The following WIPF1 variants were observed in gnomAD, a reference collection of about 807,000 sequenced individuals.
The protein encoded by WIPF1 is WAS/WASL-interacting protein family member 1.
In WIPF1, 13 loss-of-function variants were observed where a neutral mutation model predicts 35.4. The observed-to-expected ratio is 0.37, with a 90% CI of 0.24 to 0.58. WIPF1 has a LOEUF of 0.58. Among genes scored for constraint, WIPF1 ranks in the 20% least tolerant of loss-of-function variants. The pLI, the probability that WIPF1 is intolerant of heterozygous loss-of-function variation, is 0.74. For synonymous variants in WIPF1, 267 were observed against 266.3 expected, an observed-to-expected ratio of 1.00 and a Z score of -0.02; for missense variants, 591 against 667.0, an observed-to-expected ratio of 0.89 and a Z score of 1.25.
intron 1 of WIPF1, among the ~76,000 whole-genome samples, chr2:174,586,519 C>T (rs935634398): frequency 1.3e-5 from 2 of 152,168 alleles, no homozygotes; most frequent in Middle Eastern, 3.4e-3. Flanking sequence ...GGGGGCAGGG[C>T]GGAGAGGGCA....
chr2:174,612,921 G>A (rs1686397744), intron 1 of WIPF1, among the ~76,000 whole-genome samples: 2 of 152,172 alleles, frequency 1.3e-5, no homozygotes, highest in South Asian at 2.1e-4. Context: ...GGCAGTGACC[G>A]TTTCTGTGTG....
At chr2:174,570,264 C>G (rs985835045) in intron 5 of WIPF1, among the ~76,000 whole-genome samples, 8 of 152,006 alleles carry the variant, frequency 5.3e-5, no homozygotes, top group Admixed American at 3.9e-4. Flanking sequence ...AGCAAATTAG[C>G]AAACAATATA....
chr2:174,629,555 A>C (rs1686951302), intron 1 of WIPF1: 1 of 152,410 alleles, frequency 6.6e-6, no homozygotes, highest in East Asian at 1.9e-4. Context: ...AAGAGGGAAG[A>C]AGAGAAAGTC....
upstream of WIPF1, among the ~76,000 whole-genome samples, chr2:174,601,442 GAA>G (rs1212684313): frequency 6.6e-6 from 1 of 152,064 alleles, no homozygotes; most frequent in Non-Finnish European, 1.5e-5. Context: ...AATGTGAAGA[GAA>G]AAATGGATTA....
rs1684447462 is a variant in WIPF1, at chr2:174,560,111, G to T, written c.*2436C>A. 6.6e-6 allele frequency: 1 copy of T among 152,522 alleles called. No individual in the cohort carries two copies. Among genetic ancestry groups the T allele is most frequent in the Admixed American group, 6.6e-5 (1 of 15,262 alleles). The allele number at this position is 152,522 out of a possible 1,614,324, so 9.4% of individuals were successfully genotyped here. ...GAAAATGTTATAAAAAAACACACAT[G>T]TAAGCTCTGATTTCAGGGAAGAAAA... On this transcript the variant is annotated 3_prime_UTR_variant, in exon 8 of 8. Transcript: ENST00000679041.
chr2:174,640,472 A>C (rs955438323), intron 1 of WIPF1, among the ~76,000 whole-genome samples: 4 of 151,490 alleles, frequency 2.6e-5, no homozygotes, highest in African/African-American at 9.7e-5. Flanking sequence ...CACATTGTGC[A>C]CATGTACCCT....
chr2:174,579,769 G>A (rs1174303821), intron 3 of WIPF1, among the ~76,000 whole-genome samples: 1 of 152,216 alleles, frequency 6.6e-6, no homozygotes, highest in Admixed American at 6.5e-5. Flanking sequence ...CTCTTGCAGT[G>A]AGGAGAACCA....
At position 174,658,277 on chromosome 2, in the gene WIPF1, C is replaced by T. The variant is rs1046706294; in HGVS notation, c.-39+24497G>A. Among the ~76,000 whole-genome samples, 42 of 152,216 alleles carry T rather than the reference C, an allele frequency of 2.8e-4. 1 individual carries two copies. Among genetic ancestry groups the T allele is most frequent in the Non-Finnish European group, 1.3e-4 (9 of 68,038 alleles). On this transcript the variant is annotated intron_variant, in intron 1 of 8. Transcript: ENST00000272746. The stretch of plus-strand genomic sequence containing the variant: ...ACCCACACAAAAAAAGAGACCTATG[C>T]TTTGTCTGTAGTACAGATGAACACT...
At chr2:174,654,778 C>T (rs1332245298) in intron 1 of WIPF1, among the ~76,000 whole-genome samples, 1 of 152,134 alleles carries the variant, frequency 6.6e-6, no homozygotes, top group East Asian at 1.9e-4. Context: ...TCCTGAACTG[C>T]TCTCTGCAAC....
chr2:174,601,285 C>A (rs1206525537), upstream of WIPF1, among the ~76,000 whole-genome samples: 1 of 152,116 alleles, frequency 6.6e-6, no homozygotes, highest in Non-Finnish European at 1.5e-5. Context: ...ATAACAAATG[C>A]CAAGACTAGA....
intron 1 of WIPF1, among the ~76,000 whole-genome samples, chr2:174,659,026 G>A (rs1284244020): frequency 6.6e-6 from 1 of 152,096 alleles, no homozygotes. Flanking sequence ...CATTTTTGAG[G>A]ATCTAGTAAG....
At chr2:174,594,203 T>G in intron 1 of WIPF1, among the ~76,000 whole-genome samples, 1 of 152,258 alleles carries the variant, frequency 6.6e-6, no homozygotes, top group East Asian at 1.9e-4. Context: ...CTAGAAATGC[T>G]TCTTTTATAG....
At chr2:174,627,566 A>G (rs1686886217) in intron 1 of WIPF1, among the ~76,000 whole-genome samples, 1 of 128,204 alleles carries the variant, frequency 7.8e-6, no homozygotes, top group Non-Finnish European at 1.6e-5. Context: ...TTTTTGAGAC[A>G]GTCTTCCTCT....
At chr2:174,653,210 C>T (rs746592081) in intron 1 of WIPF1, among the ~76,000 whole-genome samples, 18 of 152,176 alleles carry the variant, frequency 1.2e-4, no homozygotes, top group Non-Finnish European at 2.5e-4. Context: ...CTGCCCCCAA[C>T]ACCTATGGTG....
rs189631959 is a variant in WIPF1 at position 174,661,330 on chromosome 2, C to T, written c.-39+21444G>A. Among the ~76,000 whole-genome samples the T allele has an allele frequency of 1.5e-3, 234 of 152,282 alleles. 2 individuals carry two copies. The highest frequency in any genetic ancestry group is 3.3e-3 in the East Asian group (17 of 5,174). ...GGCAAAAAGCCTATTACATTAAGGT[C>T]CTCAGAGACCTCAGGAGCACCTGCC... On this transcript the variant is annotated intron_variant, in intron 1 of 8. Transcript: ENST00000272746.
At chr2:174,610,487 T>C (rs1349889978) in intron 1 of WIPF1, among the ~76,000 whole-genome samples, 1 of 151,934 alleles carries the variant, frequency 6.6e-6, no homozygotes, top group South Asian at 2.1e-4. Context: ...AAATTTGGGG[T>C]ATAAAAACCA....
chr2:174,642,503 C>G (rs769219544), intron 1 of WIPF1, among the ~76,000 whole-genome samples: 1 of 151,774 alleles, frequency 6.6e-6, no homozygotes. Flanking sequence ...CCCACCACCA[C>G]GCCCGGCTAA....
At chr2:174,677,955 T>C (rs1392837409) in intron 1 of WIPF1, among the ~76,000 whole-genome samples, 2 of 152,220 alleles carry the variant, frequency 1.3e-5, no homozygotes, top group Non-Finnish European at 2.9e-5. Flanking sequence ...CTGTGGGACC[T>C]TGGGCAAGTT....
rs1574778809 is a variant in WIPF1, at chr2:174,562,574, A to G, written c.1485T>C (p.Ala495=). ...RSGSNRRERG[A]PPLPPIPR is the part of the protein sequence containing the mutation. ...ACCTCGGGATGGGAGGGAGTGGTGG[A>G]GCACCCCTTTCTCTTCGGTTGGATC... The change falls in exon 8 of 8, where the codon GCT becomes GCC. Residue 495 remains alanine, a synonymous_variant. Coordinates refer to ENST00000679041, the MANE Select transcript of WIPF1 (RefSeq NM_001375834.1). 1.9e-6 allele frequency: 3 copies of G among 1,614,166 alleles called. No individual in the cohort carries two copies. The highest frequency in any genetic ancestry group is 4.5e-5 in the East Asian group (2 of 44,888).
Sources: allele counts gnomAD v4.1 joint callset (sites outside exome capture counted in the v4.1 genomes callset), GRCh38; gene constraint gnomAD v4.1.1; transcripts MANE v1.5; gene names NCBI Gene and HGNC (gene_info 2026-07-23, HGNC 2026-07-21).